The following KAZN variants were observed in gnomAD, a reference collection of about 807,000 sequenced individuals.
KAZN encodes kazrin, periplakin interacting protein.
In KAZN, 40 loss-of-function variants were observed where a neutral mutation model predicts 87.4. The ratio of observed to expected loss-of-function variants is 0.46; its 90% CI spans 0.36 to 0.60. KAZN has a LOEUF of 0.60. KAZN is among the 20% of genes least tolerant of loss of function. KAZN has a pLI of 0.00. For synonymous variants in KAZN, 466 were observed against 458.3 expected, an observed-to-expected ratio of 1.02 and a Z score of -0.22; for missense variants, 898 against 1,073.9, an observed-to-expected ratio of 0.84 and a Z score of 2.29.
intron 2 of KAZN, among the ~76,000 whole-genome samples, chr1:14,203,892 T>TGA (rs1646689416): frequency 6.6e-6 from 1 of 152,208 alleles, no homozygotes; most frequent in Non-Finnish European, 1.5e-5. Flanking sequence ...GCCATTATGG[T>TGA]CAGCCTCCTG....
At chr1:14,610,528 G>A (rs1677732850) in intron 1 of KAZN, among the ~76,000 whole-genome samples, 1 of 152,048 alleles carries the variant, frequency 6.6e-6, no homozygotes, top group South Asian at 2.1e-4. Flanking sequence ...TGGCCCTAGT[G>A]ACCTGTCTTC....
chr1:15,036,594 G>C (rs1672361838), intron 3 of KAZN, among the ~76,000 whole-genome samples: 1 of 152,064 alleles, frequency 6.6e-6, no homozygotes, highest in Admixed American at 6.6e-5. Flanking sequence ...TCATGGGCCT[G>C]GGGTGCAGCT....
intron 1 of KAZN, among the ~76,000 whole-genome samples, chr1:14,895,894 C>T (rs1352162398): frequency 6.6e-6 from 1 of 152,138 alleles, no homozygotes; most frequent in East Asian, 1.9e-4. Context: ...AGAGGGGAGG[C>T]TGCTTTCATT....
chr1:14,630,977 T>G (rs1679517531), intron 1 of KAZN, among the ~76,000 whole-genome samples: 1 of 152,342 alleles, frequency 6.6e-6, no homozygotes, highest in African/African-American at 2.4e-5. Flanking sequence ...ATAACTAGTA[T>G]ACGTTGATTA....
In KAZN at chr1:14,560,944, T is replaced by C. The variant is rs1674216545; in HGVS notation, c.250-38039T>C. 2.6e-5 allele frequency among the ~76,000 whole-genome samples: 4 copies of C among 152,150 alleles called. No homozygotes were observed. The South Asian group carries it at 8.3e-4, about 32-fold the overall frequency. ...CCTAAGGCAGTTCTGGCTAATGGCA[T>C]ACTATGTTGCCCCATCAGGAAGAGA... On this transcript the variant is annotated intron_variant, in intron 2 of 16. Coordinates refer to the KAZN transcript ENST00000636203.
At chr1:15,069,824 T>C (rs1639427124) in intron 8 of KAZN, among the ~76,000 whole-genome samples, 1 of 152,128 alleles carries the variant, frequency 6.6e-6, no homozygotes, top group South Asian at 2.1e-4. Context: ...GGTTTTTCAA[T>C]ACACAAGCTG....
At chr1:14,269,958 T>C (rs935079368) in intron 2 of KAZN, among the ~76,000 whole-genome samples, 2 of 152,088 alleles carry the variant, frequency 1.3e-5, no homozygotes, top group Non-Finnish European at 2.9e-5. Flanking sequence ...TAAAGAAAAA[T>C]GATTTACTTA....
rs180719447 is a variant in KAZN, at chr1:14,316,099, T to G, written c.249+135507T>G. ...TAAACTTTAGTCATCTGTGTGGATA[T>G]GTATTGGCATCCCTTTGTGGTTTTC... On this transcript the variant is annotated intron_variant, in intron 2 of 16. Transcript: ENST00000636203. Among the ~76,000 whole-genome samples, 59 of 152,204 alleles carry G rather than the reference T, an allele frequency of 3.9e-4. 1 individual carries two copies. The East Asian group carries it at 6.7e-3, about 17-fold the overall frequency.
intron 2 of KAZN, among the ~76,000 whole-genome samples, chr1:14,231,673 A>G (rs531617933): frequency 6.6e-6 from 1 of 152,354 alleles, no homozygotes; most frequent in South Asian, 2.1e-4. Flanking sequence ...ATAACTGGTT[A>G]TCAGTATCCA....
At chr1:14,576,156 A>G (rs1413844240) in intron 2 of KAZN, among the ~76,000 whole-genome samples, 1 of 152,236 alleles carries the variant, frequency 6.6e-6, no homozygotes, top group African/African-American at 2.4e-5. Flanking sequence ...CTCAAGCCTT[A>G]GTTGTCACAT....
chr1:14,759,174 C>T (rs1644663461), intron 1 of KAZN, among the ~76,000 whole-genome samples: 2 of 152,298 alleles, frequency 1.3e-5, no homozygotes, highest in South Asian at 4.1e-4. Context: ...AGGGCAGCCA[C>T]GGCAGGAGCT....
intron 2 of KAZN, among the ~76,000 whole-genome samples, chr1:14,527,521 C>T (rs1671944422): frequency 6.7e-6 from 1 of 149,164 alleles, no homozygotes; most frequent in African/African-American, 2.5e-5. Flanking sequence ...TGCACTCCAG[C>T]CTGGGCAACA....
intron 2 of KAZN, among the ~76,000 whole-genome samples, chr1:14,202,521 G>A (rs187010545): frequency 6.6e-6 from 1 of 152,238 alleles, no homozygotes; most frequent in East Asian, 1.9e-4. Context: ...GGGATGGTGT[G>A]GGGAGAACAA....
chr1:14,517,927 G>A (rs1671382660), intron 2 of KAZN, among the ~76,000 whole-genome samples: 1 of 152,188 alleles, frequency 6.6e-6, no homozygotes, highest in Admixed American at 6.5e-5. Flanking sequence ...TGGGAACAAT[G>A]AGAAGGAAAT....
chr1:14,081,491 G>T (rs1361599201), intron 1 of KAZN, among the ~76,000 whole-genome samples: 2 of 151,998 alleles, frequency 1.3e-5, no homozygotes, highest in African/African-American at 4.8e-5. Context: ...TGTATGGCTC[G>T]TGTGCTAGGA....
chr1:14,325,111 C>G (rs771019031), intron 2 of KAZN, among the ~76,000 whole-genome samples: 1 of 152,108 alleles, frequency 6.6e-6, no homozygotes, highest in Non-Finnish European at 1.5e-5. Context: ...ATTTTGGTGG[C>G]GCAATTTATG....
At chr1:14,765,985 C>T (rs1221750109) in intron 1 of KAZN, among the ~76,000 whole-genome samples, 2 of 152,174 alleles carry the variant, frequency 1.3e-5, no homozygotes, top group Non-Finnish European at 2.9e-5. Context: ...TGTGTTGTCT[C>T]AGTCTGGTGC....
intron 1 of KAZN, among the ~76,000 whole-genome samples, chr1:13,912,965 A>G (rs1438171971): frequency 6.6e-6 from 1 of 152,112 alleles, no homozygotes; most frequent in Admixed American, 6.5e-5. Flanking sequence ...CCAAAGGAAA[A>G]CCTGGGCGGG....
At chr1:14,521,273 T>C (rs980229872) in intron 2 of KAZN, among the ~76,000 whole-genome samples, 19 of 152,178 alleles carry the variant, frequency 1.2e-4, no homozygotes, top group African/African-American at 4.6e-4. Flanking sequence ...GAGCCAAATC[T>C]CTTTTCACTC....
Sources: gnomAD v4.1 joint callset for allele counts (sites outside exome capture counted in the v4.1 genomes callset) on GRCh38, gnomAD v4.1.1 for gene constraint, MANE v1.5 for transcripts, NCBI Gene and HGNC (gene_info 2026-07-23, HGNC 2026-07-21) for gene names.